The following DYNC2LI1 variants were observed in gnomAD, a reference collection of about 807,000 sequenced individuals.
The protein encoded by DYNC2LI1 is dynein cytoplasmic 2 light intermediate chain 1.
In DYNC2LI1, 45 loss-of-function variants were observed where a neutral mutation model predicts 51.9. That is an observed-to-expected ratio of 0.87 (90% CI 0.68 to 1.11). The LOEUF (loss-of-function observed/expected upper bound fraction) is 1.11. Among genes scored for constraint, DYNC2LI1 ranks in the 50% most tolerant of loss-of-function variants. The probability of loss-of-function intolerance (pLI) is 0.00; values close to 1 mark genes in which losing one functional copy is unlikely to be tolerated. For synonymous variants in DYNC2LI1, 130 were observed against 137.8 expected, an observed-to-expected ratio of 0.94 and a Z score of 0.40; for missense variants, 490 against 417.4, an observed-to-expected ratio of 1.17 and a Z score of -1.51.
the DYNC2LI1 span, among the ~76,000 whole-genome samples, chr2:43,816,101 C>T: frequency 6.6e-6 from 1 of 152,228 alleles, no homozygotes; most frequent in Admixed American, 6.5e-5. Flanking sequence ...TCCACATGCA[C>T]CTATGGTTTG....
the DYNC2LI1 span, among the ~76,000 whole-genome samples, chr2:43,818,974 C>T: frequency 2.5e-4 from 38 of 152,126 alleles, no homozygotes; most frequent in Non-Finnish European, 4.1e-4. Context: ...CACGAAGTCA[C>T]GTGCGTCACA....
chr2:43,792,678 C>G, intron 5 of DYNC2LI1: 1 of 1,543,984 alleles, frequency 6.5e-7, no homozygotes, highest in Non-Finnish European at 8.7e-7. Context: ...TTCCCCAGCT[C>G]CTGGCAACTA....
chr2:43,778,026 T>C (rs1192197291), intron 2 of DYNC2LI1, among the ~76,000 whole-genome samples: 3 of 152,258 alleles, frequency 2.0e-5, no homozygotes, highest in Admixed American at 6.5e-5. Context: ...ATTTTGTTTT[T>C]AATTTTTTTA....
the DYNC2LI1 span, chr2:43,826,288 C>T: frequency 6.3e-7 from 1 of 1,583,338 alleles, no homozygotes; most frequent in Non-Finnish European, 8.6e-7. Context: ...GTGTGAGCCA[C>T]TGTGCCTGGC....
intron 2 of DYNC2LI1, among the ~76,000 whole-genome samples, chr2:43,782,496 C>T (rs1023219516): frequency 2.7e-5 from 4 of 147,836 alleles, no homozygotes; most frequent in African/African-American, 7.5e-5. Context: ...TCCAGTGGAG[C>T]TTGTCCTGCT....
the DYNC2LI1 span, chr2:43,827,982 C>G: frequency 7.4e-6 from 12 of 1,613,908 alleles, no homozygotes; most frequent in Non-Finnish European, 1.0e-5. Context: ...GTGCCACTTA[C>G]TAGGATCCTG....
chr2:43,817,996 C>T, the DYNC2LI1 span, among the ~76,000 whole-genome samples: 294 of 152,252 alleles, frequency 1.9e-3, no homozygotes, highest in African/African-American at 6.5e-3. Flanking sequence ...TAAATGTGCT[C>T]AGAAAGCTTA....
At chr2:43,826,148 C>G in the DYNC2LI1 span, among the ~76,000 whole-genome samples, 11 of 151,386 alleles carry the variant, frequency 7.3e-5, no homozygotes, top group African/African-American at 2.4e-4. Context: ...GCTAATTTTT[C>G]TTTTTCTTTC....
chr2:43,783,465 C>A, intron 2 of DYNC2LI1, 55 bp from the exon 3 acceptor site: 9 of 1,313,232 alleles, frequency 6.9e-6, no homozygotes, highest in Non-Finnish European at 1.1e-6. Context: ...AACAATAATA[C>A]AATTTTTACA....
intron 3 of DYNC2LI1, among the ~76,000 whole-genome samples, chr2:43,785,254 G>A (rs1205843207): frequency 1.3e-5 from 2 of 152,044 alleles, no homozygotes; most frequent in African/African-American, 2.4e-5. Flanking sequence ...AGCTGTGATC[G>A]CGCCACTGCA....
chr2:43,793,730 C>T (rs1454092022), intron 5 of DYNC2LI1: 5 of 152,086 alleles, frequency 3.3e-5, no homozygotes, highest in Admixed American at 3.3e-4. Context: ...CATGAGCCAC[C>T]ATCCCTGGCC....
intron 2 of DYNC2LI1, among the ~76,000 whole-genome samples, chr2:43,778,796 G>C (rs570863701): frequency 2.0e-5 from 3 of 151,968 alleles, no homozygotes; most frequent in Non-Finnish European, 4.4e-5. Flanking sequence ...GTTTTGTCTT[G>C]TTTTGTTTTG....
rs1298529161 is a variant in DYNC2LI1 at position 43,802,280 on chromosome 2, G to A, written c.802+571G>A. Among the ~76,000 whole-genome samples, 3 of 151,916 alleles carry A rather than the reference G, an allele frequency of 2.0e-5. No homozygotes were observed. In the East Asian group the frequency reaches 5.8e-4, roughly 29 times the overall value. On this transcript the variant is annotated intron_variant, in intron 10 of 12. Transcript: ENST00000260605. Reference sequence around the variant, plus strand: ...ATCTCAAGGCCCTTACCTTCCCACAGAAACTGTTTTCATTGTGAAGATCTT... The same window carrying A: ...ATCTCAAGGCCCTTACCTTCCCACAAAAACTGTTTTCATTGTGAAGATCTT...
downstream of DYNC2LI1, among the ~76,000 whole-genome samples, chr2:43,813,697 G>GGGT (rs1666616635): frequency 2.2e-5 from 2 of 91,316 alleles, no homozygotes; most frequent in African/African-American, 7.5e-5. Flanking sequence ...TTTTTTTGGG[G>GGGT]TTTTTTTTTT....
At chr2:43,782,544 C>G (rs370740402) in intron 2 of DYNC2LI1, among the ~76,000 whole-genome samples, 1 of 91,592 alleles carries the variant, frequency 1.1e-5, no homozygotes, top group South Asian at 3.5e-4. Context: ...GGGGTCTTTT[C>G]TTTAAAAAAA....
At chr2:43,808,964 TAC>T (rs56090427) in intron 12 of DYNC2LI1, among the ~76,000 whole-genome samples, 47,187 of 145,066 alleles carry the variant, frequency 0.33, 7,524 homozygotes, top group African/African-American at 0.38. Context: ...GGACAAAGGA[TAC>T]ACACACACAC....
chr2:43,790,707 C>T (rs1485768217), intron 5 of DYNC2LI1, among the ~76,000 whole-genome samples: 1 of 152,078 alleles, frequency 6.6e-6, no homozygotes, highest in African/African-American at 2.4e-5. Flanking sequence ...GGTATTTCAG[C>T]CTTTTCAATG....
chr2:43,817,080 G>A, the DYNC2LI1 span, among the ~76,000 whole-genome samples: 2 of 152,216 alleles, frequency 1.3e-5, no homozygotes, highest in South Asian at 2.1e-4. Flanking sequence ...CTTTAAGAGT[G>A]GAGTTTTAAT....
intron 2 of DYNC2LI1, among the ~76,000 whole-genome samples, chr2:43,778,739 G>A (rs1016711435): frequency 4.6e-5 from 7 of 151,968 alleles, no homozygotes; most frequent in South Asian, 2.1e-4. Context: ...TCCTCTTAGC[G>A]CTCTCTGTAA....
Sources: gnomAD v4.1 joint callset for allele counts (sites outside exome capture counted in the v4.1 genomes callset) on GRCh38, gnomAD v4.1.1 for gene constraint, MANE v1.5 for transcripts, NCBI Gene and HGNC (gene_info 2026-07-23, HGNC 2026-07-21) for gene names.